Variants in NUP85 observed in about 807,000 individuals in gnomAD.
NUP85 encodes nuclear pore complex protein Nup85.
In NUP85, 23 loss-of-function variants were observed where a neutral mutation model predicts 92.8. The ratio of observed to expected loss-of-function variants is 0.25; its 90% CI spans 0.18 to 0.35. NUP85 has a LOEUF of 0.35. Ranked by LOEUF, NUP85 falls within the 10% of genes least tolerant of loss-of-function variation. NUP85 has a pLI of 1.00. For synonymous variants in NUP85, 314 were observed against 306.9 expected (o/e 1.02, Z -0.24); for missense variants, 759 against 822.8 (o/e 0.92, Z 0.95).
chr17:75,232,556 A>G (rs962769157), intron 14 of NUP85, among the ~76,000 whole-genome samples: 19 of 152,114 alleles, frequency 1.2e-4, no homozygotes, highest in African/African-American at 4.3e-4. Flanking sequence ...AGGGAGAAAC[A>G]CGTAGGGAGA....
chr17:75,228,117 A>C (rs1365257009), intron 11 of NUP85: 10 of 837,302 alleles, frequency 1.2e-5, no homozygotes, highest in Non-Finnish European at 1.4e-5. Flanking sequence ...ACAGTGAGTG[A>C]GTTTCACCAG....
intron 16 of NUP85, among the ~76,000 whole-genome samples, chr17:75,233,969 A>G (rs1358815010): frequency 5.5e-5 from 8 of 144,486 alleles, no homozygotes; most frequent in Admixed American, 3.4e-4. Context: ...CCTGACCTCA[A>G]GTGATCCGCC....
In NUP85 at chr17:75,231,525, G is replaced by A. The variant is rs1006696914; in HGVS notation, c.1179-48G>A. ...AGGGAGGTTGGGCTAAGGGGGCCCT[G>A]AACAGGGCAGGCCAGGAGTCTTGGT... On this transcript the variant is annotated intron_variant, in intron 12 of 18. Transcript: ENST00000245544. This position sits in a 1 kb window ranked among gnomAD's most constrained non-coding sequence, Gnocchi z 4.6. 3 of 1,612,244 alleles carry A rather than the reference G, an allele frequency of 1.9e-6. No individual in the cohort carries two copies. The highest frequency in any genetic ancestry group is 2.7e-5 in the African/African-American group (2 of 74,900).
chr17:75,232,087 C>CGTCTCCAG, intron 14 of NUP85, 108 bp downstream of exon 14: 1 of 1,202,608 alleles, frequency 8.3e-7, no homozygotes, highest in African/African-American at 1.5e-5. Context: ...ACGAGCCACA[C>CGTCTCCAG]TGGAGACGTG....
At chr17:75,221,428 C>T (rs1018219411) in intron 7 of NUP85, among the ~76,000 whole-genome samples, 7 of 152,028 alleles carry the variant, frequency 4.6e-5, no homozygotes, top group African/African-American at 1.7e-4. Context: ...CTTGAGCCAC[C>T]ATGCCCAGCC....
intron 6 of NUP85, among the ~76,000 whole-genome samples, chr17:75,217,871 C>T (rs530704995): frequency 2.6e-5 from 4 of 152,224 alleles, no homozygotes; most frequent in Middle Eastern, 3.4e-3. Flanking sequence ...GGTTCCTAAA[C>T]GGCCATTACT....
intron 14 of NUP85, among the ~76,000 whole-genome samples, chr17:75,232,408 A>C (rs917150320): frequency 1.1e-4 from 16 of 152,298 alleles, no homozygotes; most frequent in African/African-American, 3.9e-4. Flanking sequence ...CTCACTGTTG[A>C]GTAATGTAAA....
intron 10 of NUP85, 46 bp from the exon 11 acceptor site, chr17:75,226,005 C>CT (rs2075780273): frequency 1.2e-6 from 2 of 1,608,832 alleles, no homozygotes; most frequent in African/African-American, 2.7e-5. Flanking sequence ...TGCCCCGAGT[C>CT]TCTGCTTCCG....
chr17:75,213,816 A>G (rs1214854061), intron 5 of NUP85, among the ~76,000 whole-genome samples: 5 of 151,324 alleles, frequency 3.3e-5, no homozygotes, highest in Non-Finnish European at 7.4e-5. Context: ...GGCCTCCCAA[A>G]GTGCTGGGAT....
intron 7 of NUP85, among the ~76,000 whole-genome samples, chr17:75,223,894 A>T (rs2075674749): frequency 6.6e-6 from 1 of 152,172 alleles, no homozygotes; most frequent in Non-Finnish European, 1.5e-5. Flanking sequence ...ACCTTTCCAG[A>T]TAGTGGTGAC....
intron 4 of NUP85, 118 bp from the exon 5 acceptor site, chr17:75,212,958 C>T (rs1049236550): frequency 7.2e-6 from 7 of 972,142 alleles, no homozygotes. Context: ...ATTATAATGT[C>T]TTTTAATTTT....
At chr17:75,212,113 TA>T (rs748201935) in intron 4 of NUP85, 51 bp downstream of exon 4, 1 of 1,238,384 alleles carries the variant, frequency 8.1e-7, no homozygotes, top group South Asian at 1.3e-5. Context: ...TGTGTGTGGG[TA>T]TTTTGAGTAT....
In NUP85 at chr17:75,235,587, A is replaced by G. The variant is rs375168108; in HGVS notation, c.1879A>G (p.Ile627Val). 2.2e-5 allele frequency: 35 copies of G among 1,613,716 alleles called. No individual in the cohort carries two copies. The highest frequency in any genetic ancestry group is 2.8e-5 in the Non-Finnish European group (33 of 1,179,702). The change falls in exon 19 of 19, where the codon ATA (isoleucine) becomes GTA (valine). Residue 627 changes from isoleucine to valine, a missense_variant. Coordinates refer to ENST00000245544, the MANE Select transcript of NUP85 (RefSeq NM_024844.5). Reference protein sequence around the residue: ...SDTEQLQDDDIETTKVEMLRL... With the variant: ...SDTEQLQDDDVETTKVEMLRL... ...GCTCTCTGCTTTGCAGGATGATGAC[A>G]TAGAGACCACCAAGGTGGAAATGCT...
chr17:75,215,335 G>A (rs1052732997), intron 5 of NUP85, among the ~76,000 whole-genome samples: 1 of 152,104 alleles, frequency 6.6e-6, no homozygotes, highest in Non-Finnish European at 1.5e-5. Context: ...TCAGCCTCCT[G>A]AGTAGCTGAG....
intron 1 of NUP85, chr17:75,208,219 T>C: frequency 3.6e-6 from 1 of 277,274 alleles, no homozygotes; most frequent in Non-Finnish European, 6.7e-6. Flanking sequence ...ACGGATCACC[T>C]GAACTCAGGA....
intron 5 of NUP85, among the ~76,000 whole-genome samples, chr17:75,213,348 T>C (rs550998384): frequency 1.7e-4 from 26 of 151,646 alleles, no homozygotes; most frequent in African/African-American, 6.3e-4. Context: ...TTTTTTGAGA[T>C]GGAGTCTTGC....
At chr17:75,209,384 A>G (rs1568065392) in intron 2 of NUP85, among the ~76,000 whole-genome samples, 2 of 151,800 alleles carry the variant, frequency 1.3e-5, no homozygotes, top group Middle Eastern at 3.5e-3. Flanking sequence ...TTCCTGATAC[A>G]GTGATACAGT....
At chr17:75,218,416 G>A (rs1019296208) in intron 7 of NUP85, 110 bp downstream of exon 7, 2 of 1,363,884 alleles carry the variant, frequency 1.5e-6, no homozygotes, top group African/African-American at 1.4e-5. Context: ...GGCTTTTGGA[G>A]TCTGTTACTA....
intron 11 of NUP85, chr17:75,226,678 T>C (rs2145363388): frequency 7.4e-6 from 3 of 404,364 alleles, no homozygotes; most frequent in Non-Finnish European, 4.9e-6. Context: ...ATGGCTTTTC[T>C]CTGGGTGAGC....
Sources: allele counts gnomAD v4.1 joint callset (sites outside exome capture counted in the v4.1 genomes callset), GRCh38; gene constraint gnomAD v4.1.1; non-coding constraint Gnocchi (gnomAD v3.1); transcripts MANE v1.5; gene names NCBI Gene and HGNC (gene_info 2026-07-23, HGNC 2026-07-21).